Variants in PIP5K1B observed in about 807,000 individuals in gnomAD.
PIP5K1B encodes the protein phosphatidylinositol 4-phosphate 5-kinase type-1 beta.
Under a neutral mutation model 67.0 loss-of-function variants are expected in PIP5K1B, and 42 were observed. The ratio of observed to expected loss-of-function variants is 0.63; its 90% CI spans 0.49 to 0.81. The LOEUF (loss-of-function observed/expected upper bound fraction) is 0.81. Among genes scored for constraint, PIP5K1B ranks in the 30% least tolerant of loss-of-function variants. PIP5K1B has a pLI of 0.00. For synonymous variants in PIP5K1B, 214 were observed against 231.4 expected (o/e 0.92, Z 0.68); for missense variants, 459 against 646.3 (o/e 0.71, Z 3.14).
At chr9:68,748,880 G>A (rs1425613305) in intron 2 of PIP5K1B, among the ~76,000 whole-genome samples, 1 of 152,094 alleles carries the variant, frequency 6.6e-6, no homozygotes, top group African/African-American at 2.4e-5. Flanking sequence ...CCAAAGGGCT[G>A]AGATTACAGG....
intron 4 of PIP5K1B, among the ~76,000 whole-genome samples, chr9:68,840,095 G>C (rs765780643): frequency 2.6e-5 from 4 of 152,180 alleles, no homozygotes; most frequent in Non-Finnish European, 5.9e-5. Flanking sequence ...AGTATTTCAC[G>C]GCCCGGCACA....
At chr9:68,831,070 A>G (rs1834289262) in intron 4 of PIP5K1B, among the ~76,000 whole-genome samples, 2 of 152,364 alleles carry the variant, frequency 1.3e-5, no homozygotes, top group Admixed American at 1.3e-4. Context: ...AATTTGGGAA[A>G]AGATAACAGC....
intron 11 of PIP5K1B, among the ~76,000 whole-genome samples, chr9:68,922,992 C>T (rs1311181687): frequency 1.3e-5 from 2 of 152,182 alleles, no homozygotes; most frequent in Non-Finnish European, 2.9e-5. Context: ...CTTAAAAACT[C>T]CTCCTGGGAC....
At chr9:68,785,330 T>C (rs577625077) in intron 2 of PIP5K1B, among the ~76,000 whole-genome samples, 4 of 152,188 alleles carry the variant, frequency 2.6e-5, no homozygotes, top group Non-Finnish European at 5.9e-5. Flanking sequence ...CTGGTCTCAA[T>C]GTAGGTCTCT....
intron 2 of PIP5K1B, among the ~76,000 whole-genome samples, chr9:68,809,622 G>A (rs1833052743): frequency 6.6e-6 from 1 of 152,156 alleles, no homozygotes; most frequent in Admixed American, 6.5e-5. Flanking sequence ...TGATCTCTGA[G>A]TACACCCATG....
intron 4 of PIP5K1B, among the ~76,000 whole-genome samples, chr9:68,833,734 C>T (rs1022667192): frequency 6.6e-6 from 1 of 152,138 alleles, no homozygotes; most frequent in African/African-American, 2.4e-5. Flanking sequence ...CTGGACGGGG[C>T]CATGGTTGGA....
In PIP5K1B at chr9:68,818,479, G is replaced by A. The variant is rs966980455; in HGVS notation, c.-67G>A. The A allele has an allele frequency of 2.6e-5, 4 of 152,588 alleles. No individual in the cohort carries two copies. The highest frequency in any genetic ancestry group is 3.9e-4 in the East Asian group (2 of 5,184). The allele number at this position is 152,588 out of a possible 1,614,324, so 9.5% of individuals were successfully genotyped here. Reference sequence around the variant, plus strand: ...TTAACAGAAACCTGGCAAAGAAAACGGTCTCGACAATGAGTAGGCCACCCA... The same window carrying A: ...TTAACAGAAACCTGGCAAAGAAAACAGTCTCGACAATGAGTAGGCCACCCA... On this transcript the variant is annotated 5_prime_UTR_variant, in exon 3 of 16. Transcript: ENST00000265382.
chr9:68,998,986 C>T (rs774963561), intron 15 of PIP5K1B, among the ~76,000 whole-genome samples: 4 of 152,252 alleles, frequency 2.6e-5, no homozygotes, highest in South Asian at 2.1e-4. Context: ...TTCTAGAGGC[C>T]GGATGTCTGA....
intron 14 of PIP5K1B, among the ~76,000 whole-genome samples, chr9:68,956,564 G>T (rs1342001152): frequency 1.3e-5 from 2 of 152,204 alleles, no homozygotes; most frequent in African/African-American, 2.4e-5. Context: ...GAAAGAACAC[G>T]AGTTAAATAG....
At chr9:68,970,541 A>G (rs967144964) in intron 14 of PIP5K1B, among the ~76,000 whole-genome samples, 2 of 152,230 alleles carry the variant, frequency 1.3e-5, no homozygotes, top group African/African-American at 4.8e-5. Context: ...ACCAAGATGG[A>G]TGGAACTTTT....
intron 2 of PIP5K1B, among the ~76,000 whole-genome samples, chr9:68,756,035 T>C (rs1829908617): frequency 6.6e-6 from 1 of 152,346 alleles, no homozygotes; most frequent in African/African-American, 2.4e-5. Context: ...TACAGACTAT[T>C]AACAGTGTAG....
At chr9:68,998,450 C>T (rs574023441) in intron 15 of PIP5K1B, among the ~76,000 whole-genome samples, 1 of 152,240 alleles carries the variant, frequency 6.6e-6, no homozygotes, top group Non-Finnish European at 1.5e-5. Flanking sequence ...TCATTCTTTT[C>T]CTCCTAAGAC....
intron 14 of PIP5K1B, among the ~76,000 whole-genome samples, chr9:68,981,024 G>A (rs1278961275): frequency 1.3e-5 from 2 of 152,200 alleles, no homozygotes; most frequent in East Asian, 3.8e-4. Context: ...TAAACTCTAT[G>A]TGTCAATTTT....
chr9:68,728,901 T>G (rs1386180402), intron 1 of PIP5K1B: 1 of 152,222 alleles, frequency 6.6e-6, no homozygotes, highest in Non-Finnish European at 1.5e-5. Context: ...AGTGAAGATG[T>G]GACTAATGAG....
rs565687450 is a variant in PIP5K1B, at chr9:68,895,439, C to T, written c.771+801C>T. On this transcript the variant is annotated intron_variant, in intron 8 of 15. Coordinates refer to ENST00000265382, the MANE Select transcript of PIP5K1B (RefSeq NM_003558.4). Reference sequence around the variant, plus strand: ...TTGGGTAGTGGAGGTGGGCAGAAAGCATGATGGCACAGGCTGTGGTTTTCT... The same window carrying T: ...TTGGGTAGTGGAGGTGGGCAGAAAGTATGATGGCACAGGCTGTGGTTTTCT... 2.0e-5 allele frequency among the ~76,000 whole-genome samples: 3 copies of T among 152,192 alleles called. No individual in the cohort carries two copies. The East Asian group carries it at 5.8e-4, about 29-fold the overall frequency.
At position 68,989,992 on chromosome 9, in the gene PIP5K1B, AC is replaced by A. The variant is rs1190449151; in HGVS notation, c.1503-1147del. On this transcript the variant is annotated intron_variant, in intron 14 of 15. Transcript: ENST00000265382. ...GCAAGACTCCGTCTCAAAAAAAAAA[AC>A]AAGAGGACCAGTTACTTCAACAGTT... 2.9e-3 allele frequency among the ~76,000 whole-genome samples: 444 copies of A among 152,246 alleles called. 4 individuals are homozygous for A. The highest frequency in any genetic ancestry group is 0.01 in the African/African-American group (430 of 41,534).
intron 2 of PIP5K1B, among the ~76,000 whole-genome samples, chr9:68,779,613 C>T (rs1036657079): frequency 1.3e-5 from 2 of 152,216 alleles, no homozygotes; most frequent in African/African-American, 2.4e-5. Context: ...ACTCTCCACT[C>T]CAGGCCACAC....
At chr9:68,777,256 A>AT (rs1462313141) in intron 2 of PIP5K1B, among the ~76,000 whole-genome samples, 5 of 152,244 alleles carry the variant, frequency 3.3e-5, no homozygotes, top group Non-Finnish European at 7.3e-5. Context: ...TCACACAATG[A>AT]TTCAACAAGT....
intron 2 of PIP5K1B, among the ~76,000 whole-genome samples, chr9:68,751,592 T>C (rs1460532575): frequency 1.3e-5 from 2 of 152,212 alleles, no homozygotes; most frequent in Non-Finnish European, 2.9e-5. Flanking sequence ...ACTCCAGAGA[T>C]TGACTTTTCT....
Sources: allele counts gnomAD v4.1 joint callset (sites outside exome capture counted in the v4.1 genomes callset), GRCh38; gene constraint gnomAD v4.1.1; transcripts MANE v1.5; gene names NCBI Gene and HGNC (gene_info 2026-07-23, HGNC 2026-07-21).